MB21D2: variants seen among roughly 807,000 people sequenced by gnomAD.
The protein encoded by MB21D2 is nucleotidyltransferase MB21D2.
A neutral mutation model predicts 33.3 loss-of-function variants in MB21D2; 9 were observed. The observed-to-expected ratio is 0.27, with a 90% CI of 0.16 to 0.47. The LOEUF (loss-of-function observed/expected upper bound fraction) is 0.47. Ranked by LOEUF, MB21D2 falls within the 20% of genes least tolerant of loss-of-function variation. The pLI is 0.99. For synonymous variants in MB21D2, 241 were observed against 236.3 expected, an observed-to-expected ratio of 1.02 and a Z score of -0.18; for missense variants, 540 against 624.6, an observed-to-expected ratio of 0.86 and a Z score of 1.44.
rs567822625 is a variant in MB21D2, at chr3:192,835,182, C to T, written c.212-35532G>A. The stretch of plus-strand genomic sequence containing the variant: ...AAAAAAAAAAAAAAAAAGCTGGGTG[C>T]GGTGGCTTAAGCCTGTAATCCCAGC... On this transcript the variant is annotated intron_variant, in intron 1 of 1. Transcript: ENST00000392452. Among the ~76,000 whole-genome samples, 534 of 141,332 alleles carry T rather than the reference C, an allele frequency of 3.8e-3. 4 individuals carry two copies. Among genetic ancestry groups the T allele is most frequent in the African/African-American group, 0.014 (522 of 38,240 alleles). 92.7% of individuals were successfully genotyped at this position (141,332 alleles called of 152,430 possible).
At chr3:192,851,251 CA>C (rs1712796708) in intron 1 of MB21D2, among the ~76,000 whole-genome samples, 1 of 152,090 alleles carries the variant, frequency 6.6e-6, no homozygotes, top group Admixed American at 6.6e-5. Context: ...AAGCCAGACA[CA>C]AAAGGCCACC....
intron 1 of MB21D2, among the ~76,000 whole-genome samples, chr3:192,811,828 T>C (rs1198485767): frequency 6.6e-6 from 1 of 152,114 alleles, no homozygotes; most frequent in East Asian, 1.9e-4. Context: ...GAACCAACCA[T>C]CAGAGTGGAG....
rs541581173 is a variant in MB21D2, at chr3:192,842,949, G to C, written c.212-43299C>G. On this transcript the variant is annotated intron_variant, in intron 1 of 1. Coordinates refer to ENST00000392452, the MANE Select transcript of MB21D2 (RefSeq NM_178496.4). ...TCTTTGACTAACAGAAGTCTTAAGA[G>C]ACTGGAGGTAAAGAAGTTATCATGC... 2.0e-5 allele frequency among the ~76,000 whole-genome samples: 3 copies of C among 152,220 alleles called. No homozygotes were observed. In the East Asian group the frequency reaches 5.8e-4, roughly 29 times the overall value.
At chr3:192,834,596 C>A (rs1560234628) in intron 1 of MB21D2, among the ~76,000 whole-genome samples, 1 of 151,966 alleles carries the variant, frequency 6.6e-6, no homozygotes, top group Admixed American at 6.6e-5. Context: ...GGTTTCTTAG[C>A]CCCTCCCAAG....
At chr3:192,812,033 G>A (rs892703974) in intron 1 of MB21D2, among the ~76,000 whole-genome samples, 1 of 151,868 alleles carries the variant, frequency 6.6e-6, no homozygotes, top group Non-Finnish European at 1.5e-5. Context: ...GTGTGTGTGC[G>A]TGTTTTGTTT....
chr3:192,835,533 G>C (rs1712419342), intron 1 of MB21D2, among the ~76,000 whole-genome samples: 2 of 147,418 alleles, frequency 1.4e-5, no homozygotes. Flanking sequence ...CCAGAAAAAT[G>C]CTAGGCCCTG....
intron 1 of MB21D2, among the ~76,000 whole-genome samples, chr3:192,908,619 C>A (rs370633810): frequency 2.6e-5 from 4 of 151,570 alleles, no homozygotes; most frequent in Non-Finnish European, 4.4e-5. Context: ...GAGGTTTCAC[C>A]GTGTTGGCCA....
At chr3:192,819,443 T>C (rs1207780782) in intron 1 of MB21D2, among the ~76,000 whole-genome samples, 1 of 151,916 alleles carries the variant, frequency 6.6e-6, no homozygotes, top group African/African-American at 2.4e-5. Context: ...AGGTGGAAGA[T>C]GAAGTGCAAG....
At chr3:192,830,923 T>A (rs1212922030) in intron 1 of MB21D2, among the ~76,000 whole-genome samples, 1 of 152,154 alleles carries the variant, frequency 6.6e-6, no homozygotes, top group Non-Finnish European at 1.5e-5. Flanking sequence ...AACCGACCTA[T>A]GGGTATGAGA....
chr3:192,859,375 G>C (rs887181014), intron 1 of MB21D2, among the ~76,000 whole-genome samples: 9 of 152,056 alleles, frequency 5.9e-5, no homozygotes, highest in African/African-American at 1.9e-4. Context: ...CGACATGGTT[G>C]CTGCCCAAAA....
intron 1 of MB21D2, among the ~76,000 whole-genome samples, chr3:192,842,881 G>A (rs1712603385): frequency 6.6e-6 from 1 of 152,176 alleles, no homozygotes; most frequent in Non-Finnish European, 1.5e-5. Context: ...GGAAATTATG[G>A]CAGGAAAACT....
In MB21D2 at chr3:192,840,560, G is replaced by A. The variant is rs374037537; in HGVS notation, c.212-40910C>T. Among the ~76,000 whole-genome samples the A allele has an allele frequency of 1.3e-4, 19 of 151,486 alleles. No individual in the cohort carries two copies. The East Asian group carries it at 1.4e-3, about 11-fold the overall frequency. On this transcript the variant is annotated intron_variant, in intron 1 of 1. Transcript: ENST00000392452. ...AGCCTAGAAAACTCAGAGACTGTTC[G>A]CAAGAGCATCACTTGTTAGAAACAG...
At chr3:192,909,369 G>A (rs928495599) in intron 1 of MB21D2, among the ~76,000 whole-genome samples, 4 of 152,112 alleles carry the variant, frequency 2.6e-5, no homozygotes, top group African/African-American at 9.7e-5. Context: ...CTAGCAGCAA[G>A]TCTAATATCC....
chr3:192,819,023 T>G lies in MB21D2; in HGVS notation c.212-19373A>C, dbSNP rs550660660. Among the ~76,000 whole-genome samples, 103 of 151,996 alleles carry G rather than the reference T, an allele frequency of 6.8e-4. 3 individuals are homozygous for G. In the South Asian group the frequency reaches 0.021, roughly 31 times the overall value. On this transcript the variant is annotated intron_variant, in intron 1 of 1. Transcript: ENST00000392452. ...TTTTTGCTAGAATCTGAACTGCCAA[T>G]GGAAATGCTCTTGGGCAAGACAGGC... is the stretch of plus-strand genomic sequence containing the variant.
At chr3:192,906,681 CCT>C (rs1361262046) in intron 1 of MB21D2, among the ~76,000 whole-genome samples, 9 of 152,296 alleles carry the variant, frequency 5.9e-5, no homozygotes, top group South Asian at 4.2e-4. Flanking sequence ...AGCACACACC[CCT>C]GTTTACTTGC....
chr3:192,840,566 G>A (rs975529625), intron 1 of MB21D2, among the ~76,000 whole-genome samples: 3 of 151,890 alleles, frequency 2.0e-5, no homozygotes, highest in Admixed American at 6.6e-5. Context: ...GTTCGCAAGA[G>A]CATCACTTGT....
At chr3:192,849,524 G>A (rs1577182742) in intron 1 of MB21D2, among the ~76,000 whole-genome samples, 1 of 152,242 alleles carries the variant, frequency 6.6e-6, no homozygotes, top group East Asian at 1.9e-4. Flanking sequence ...CACCATGTTG[G>A]TCAGGCTGGT....
intron 1 of MB21D2, among the ~76,000 whole-genome samples, chr3:192,838,468 A>G (rs1391565663): frequency 2.3e-4 from 32 of 139,462 alleles, no homozygotes; most frequent in African/African-American, 8.2e-4. Context: ...TCGCTCTGTC[A>G]CCCAGGCTGG....
At chr3:192,909,764 C>G (rs1401125921) in intron 1 of MB21D2, among the ~76,000 whole-genome samples, 1 of 151,076 alleles carries the variant, frequency 6.6e-6, no homozygotes, top group Non-Finnish European at 1.5e-5. Flanking sequence ...AACCCCATCT[C>G]TACTAAAAAT....
Sources: allele counts gnomAD v4.1 joint callset (sites outside exome capture counted in the v4.1 genomes callset), GRCh38; gene constraint gnomAD v4.1.1; transcripts MANE v1.5; gene names NCBI Gene and HGNC (gene_info 2026-07-23, HGNC 2026-07-21).